The following NR1D2 variants were observed in gnomAD, a reference collection of about 807,000 sequenced individuals.
The protein encoded by NR1D2 is V-erbA-related protein 1-related.
Under a neutral mutation model 52.2 loss-of-function variants are expected in NR1D2, and 25 were observed. That is an observed-to-expected ratio of 0.48 (90% CI 0.35 to 0.67). NR1D2 has a LOEUF of 0.67. Among genes scored for constraint, NR1D2 ranks in the 30% least tolerant of loss-of-function variants. The pLI, the probability that NR1D2 is intolerant of heterozygous loss-of-function variation, is 0.01. For synonymous variants in NR1D2, 259 were observed against 230.1 expected, an observed-to-expected ratio of 1.13 and a Z score of -1.14; for missense variants, 681 against 707.2, an observed-to-expected ratio of 0.96 and a Z score of 0.42.
intron 3 of NR1D2, among the ~76,000 whole-genome samples, chr3:23,959,137 G>T (rs962833766): frequency 2.0e-5 from 3 of 151,928 alleles, no homozygotes; most frequent in Non-Finnish European, 4.4e-5. Context: ...GTGTGGTGGC[G>T]CATGCCTGTA....
At chr3:23,974,860 C>G (rs959349136) in intron 7 of NR1D2, among the ~76,000 whole-genome samples, 41 of 151,580 alleles carry the variant, frequency 2.7e-4, no homozygotes, top group African/African-American at 9.7e-4. Context: ...ACTCTGTCAC[C>G]CAGGCTGGAG....
chr3:23,945,987 C>T (rs928164144), intron 1 of NR1D2: 11 of 547,496 alleles, frequency 2.0e-5, no homozygotes, highest in Admixed American at 6.4e-5. Context: ...GCTCGGCTCC[C>T]TGACCCACAT....
chr3:23,966,957 G>C (rs1294235650), intron 6 of NR1D2, among the ~76,000 whole-genome samples: 1 of 152,160 alleles, frequency 6.6e-6, no homozygotes, highest in Non-Finnish European at 1.5e-5. Flanking sequence ...CTTGAGCCGG[G>C]GAGGTTCAGG....
At chr3:23,975,119 C>G (rs550674107) in intron 7 of NR1D2, among the ~76,000 whole-genome samples, 1 of 151,458 alleles carries the variant, frequency 6.6e-6, no homozygotes, top group Admixed American at 6.6e-5. Flanking sequence ...ACGTCCTGCC[C>G]AACATTCTTT....
rs1241388038 is a variant in NR1D2 at position 23,964,165 on chromosome 3, G to A, written c.1147-812G>A. ...ATGATCTCGGCTCACTGCAACCTCC[G>A]CCTCCCGGTTCAAGTGATTCTTCTG... is the stretch of plus-strand genomic sequence containing the variant. On this transcript the variant is annotated intron_variant, in intron 5 of 7. Transcript: ENST00000312521. Among the ~76,000 whole-genome samples the A allele has an allele frequency of 2.7e-5, 4 of 150,084 alleles. 1 individual carries two copies. The Admixed American group carries it at 2.7e-4, about 10-fold the overall frequency.
chr3:23,963,333 A>G (rs746456386), intron 5 of NR1D2: 1 of 1,336,476 alleles, frequency 7.5e-7, no homozygotes, highest in South Asian at 1.2e-5. Context: ...ACTGACAGGT[A>G]ATTAAAGTCG....
chr3:23,963,094 A>C (rs1457254032), intron 5 of NR1D2: 2 of 297,764 alleles, frequency 6.7e-6, no homozygotes, highest in Non-Finnish European at 1.3e-5. Context: ...TGATAAATTT[A>C]GGAGTATTTT....
At chr3:23,952,761 TTG>T (rs1314147381) in intron 1 of NR1D2, among the ~76,000 whole-genome samples, 3 of 151,334 alleles carry the variant, frequency 2.0e-5, no homozygotes, top group Admixed American at 1.3e-4. Flanking sequence ...ATGAAAAACA[TTG>T]TGTGTTTCTT....
intron 1 of NR1D2, chr3:23,945,999 C>T: frequency 3.1e-6 from 2 of 639,304 alleles, no homozygotes; most frequent in Non-Finnish European, 3.9e-6. Context: ...GACCCACATT[C>T]CCCGGGGCCG....
chr3:23,962,640 CAGGGAAAGCTTTG>C, intron 5 of NR1D2, 35 bp downstream of exon 5: 1 of 1,531,402 alleles, frequency 6.5e-7, no homozygotes. Flanking sequence ...TACATTGTAT[CAGGGAAAGCTTTG>C]AAAATTTTCT....
chr3:23,967,505 A>C (rs1422913277), intron 6 of NR1D2, among the ~76,000 whole-genome samples: 6 of 152,074 alleles, frequency 3.9e-5, no homozygotes, highest in African/African-American at 1.4e-4. Context: ...AATCCCAGCT[A>C]CTTGGGAGGC....
intron 1 of NR1D2, among the ~76,000 whole-genome samples, chr3:23,945,867 CTG>C (rs545785882): frequency 6.6e-6 from 1 of 150,856 alleles, no homozygotes; most frequent in Non-Finnish European, 1.5e-5. Context: ...CACGTGCGCG[CTG>C]TGTTTACGTT....
rs141448064 is a variant in NR1D2 at position 23,949,837 on chromosome 3, G to A, written c.16+4243G>A. 5.3e-5 allele frequency among the ~76,000 whole-genome samples: 8 copies of A among 152,362 alleles called. No homozygotes were observed. In the East Asian group the frequency reaches 1.5e-3, roughly 29 times the overall value. ...CTCCAGGATGGTGGACAGAGGAAGTGTGAGGGTTTTGATGATGGACAAGTG... is the reference window on the plus strand; with the variant it reads ...CTCCAGGATGGTGGACAGAGGAAGTATGAGGGTTTTGATGATGGACAAGTG... On this transcript the variant is annotated intron_variant, in intron 1 of 7. Coordinates refer to ENST00000312521, the MANE Select transcript of NR1D2 (RefSeq NM_005126.5).
intron 6 of NR1D2, among the ~76,000 whole-genome samples, chr3:23,965,767 A>T (rs1706428265): frequency 6.6e-6 from 1 of 152,170 alleles, no homozygotes; most frequent in Non-Finnish European, 1.5e-5. Context: ...TATTGCTTTT[A>T]GATGTGGACT....
intron 3 of NR1D2, among the ~76,000 whole-genome samples, chr3:23,956,532 A>G (rs1008076404): frequency 6.6e-6 from 1 of 152,158 alleles, no homozygotes; most frequent in African/African-American, 2.4e-5. Context: ...CTCATCATAT[A>G]CTTTGACTTA....
intron 5 of NR1D2, chr3:23,963,331 G>A (rs779708432): frequency 6.0e-6 from 8 of 1,335,706 alleles, no homozygotes; most frequent in Middle Eastern, 2.1e-4. Context: ...CTACTGACAG[G>A]TAATTAAAGT....
In NR1D2 at chr3:23,945,829, C is replaced by A. The variant is rs1407478336; in HGVS notation, c.16+235C>A. Among the ~76,000 whole-genome samples the A allele has an allele frequency of 4.0e-5, 6 of 150,898 alleles. No individual in the cohort carries two copies. In the South Asian group the frequency reaches 1.2e-3, roughly 31 times the overall value. On this transcript the variant is annotated intron_variant, in intron 1 of 7. Coordinates refer to ENST00000312521, the MANE Select transcript of NR1D2 (RefSeq NM_005126.5). ...GGCCTGCCGGCGCCCGGCCCGGCCC[C>A]CCCCTCACATGGCCCGGCCGCGCGA...
intron 3 of NR1D2, among the ~76,000 whole-genome samples, chr3:23,959,113 C>T (rs906799267): frequency 6.6e-6 from 1 of 151,916 alleles, no homozygotes; most frequent in Non-Finnish European, 1.5e-5. Flanking sequence ...ACAAAAAATA[C>T]AAAAATTAGC....
chr3:23,977,753 A>G lies in NR1D2; in HGVS notation c.*334A>G, dbSNP rs1452390940. ...CCTGTGGTTATCAATATAACGCACA[A>G]TCACAAGTGTATGAGGACTTAGAAA... On this transcript the variant is annotated 3_prime_UTR_variant, in exon 8 of 8. Transcript: ENST00000312521. 1 of 170,932 alleles carries G rather than the reference A, an allele frequency of 5.9e-6. No homozygotes were observed. The allele number at this position is 170,932 out of a possible 1,614,324, so 10.6% of individuals were successfully genotyped here. A position where few individuals can be genotyped will look rare whatever the true frequency, so the allele number is the denominator to read the frequency against.
Sources: gnomAD v4.1 joint callset for allele counts (sites outside exome capture counted in the v4.1 genomes callset) on GRCh38, gnomAD v4.1.1 for gene constraint, MANE v1.5 for transcripts, NCBI Gene and HGNC (gene_info 2026-07-23, HGNC 2026-07-21) for gene names.